The following PEX5L variants were observed in gnomAD, a reference collection of about 807,000 sequenced individuals.
PEX5L encodes the protein peroxisomal biogenesis factor 5 like, also known as PEX5-related protein.
A neutral mutation model predicts 84.0 loss-of-function variants in PEX5L; 30 were observed. That is an observed-to-expected ratio of 0.36 (90% CI 0.27 to 0.48). The LOEUF (loss-of-function observed/expected upper bound fraction) is 0.48. PEX5L is among the 20% of genes least tolerant of loss of function. The probability of loss-of-function intolerance (pLI) is 0.99; values close to 1 mark genes in which losing one functional copy is unlikely to be tolerated. For missense variants in PEX5L, 533 were observed against 754.6 expected, an observed-to-expected ratio of 0.71 and a Z score of 3.44; for synonymous variants, 270 against 283.1, an observed-to-expected ratio of 0.95 and a Z score of 0.46.
At position 179,815,974 on chromosome 3, in the gene PEX5L, T is replaced by C; in HGVS notation, c.970A>G (p.Lys324Glu). ...TCTTCAAATGCTCCAGGCCAGTCCTTGAAGGGGTTTTCAGTGTGAAAGTAA... is the reference window on the plus strand; with the variant it reads ...TCTTCAAATGCTCCAGGCCAGTCCTCGAAGGGGTTTTCAGTGTGAAAGTAA... ...GYYFHTENPF[K>E]DWPGAFEEGL... Residue 324 changes from lysine to glutamate, a missense_variant, in exon 10 of 15, where the codon AAG becomes GAG. Lys to Glu is a moderately conservative substitution (Grantham distance 56). Transcript: ENST00000467460. The C allele has an allele frequency of 1.9e-6, 3 of 1,614,180 alleles. No individual in the cohort carries two copies. Among genetic ancestry groups the C allele is most frequent in the Non-Finnish European group, 8.5e-7 (1 of 1,180,008 alleles).
chr3:179,840,183 G>GTGTGTGTGT (rs542803963), intron 8 of PEX5L, among the ~76,000 whole-genome samples: 2 of 78,670 alleles, frequency 2.5e-5, no homozygotes, highest in African/African-American at 1.0e-4. Context: ...GTGTGTGTGT[G>GTGTGTGTGT]TTTTTTTTTT....
intron 8 of PEX5L, chr3:179,820,524 T>A (rs1728085320): frequency 6.6e-6 from 1 of 152,526 alleles, no homozygotes; most frequent in African/African-American, 2.4e-5. Context: ...CCCACACTTG[T>A]AAGCTTATGG....
Position 179,931,775 on chromosome 3 carries a change from C to T in PEX5L, c.94-33529G>A, listed in dbSNP as rs1247926580. ...GGTTCCTGAGATGATCAGTTAAGTT[C>T]ACATGTATCTAAACTCAATTTTCTT... is the stretch of plus-strand genomic sequence containing the variant. On this transcript the variant is annotated intron_variant, in intron 2 of 14. Coordinates refer to ENST00000467460, the MANE Select transcript of PEX5L (RefSeq NM_016559.3). 5.3e-5 allele frequency among the ~76,000 whole-genome samples: 8 copies of T among 152,066 alleles called. No individual in the cohort carries two copies. In the East Asian group the frequency reaches 1.3e-3, roughly 26 times the overall value.
chr3:179,840,359 T>C (rs1190449238), intron 8 of PEX5L, among the ~76,000 whole-genome samples: 1 of 151,858 alleles, frequency 6.6e-6, no homozygotes, highest in Non-Finnish European at 1.5e-5. Flanking sequence ...TAGCTAATTT[T>C]TGTGTTTTCA....
chr3:179,831,682 G>C (rs1396552398), intron 8 of PEX5L, among the ~76,000 whole-genome samples: 3 of 152,166 alleles, frequency 2.0e-5, no homozygotes, highest in Admixed American at 1.3e-4. Flanking sequence ...CCTAGACTTA[G>C]GAGTTCAGGA....
At position 179,828,445 on chromosome 3, in the gene PEX5L, C is replaced by T. The variant is rs138702660; in HGVS notation, c.823-8469G>A. Among the ~76,000 whole-genome samples the T allele has an allele frequency of 5.2e-3, 789 of 152,230 alleles. 8 individuals are homozygous for T. Among genetic ancestry groups the T allele is most frequent in the African/African-American group, 0.018 (744 of 41,526 alleles). On this transcript the variant is annotated intron_variant, in intron 8 of 14. Coordinates refer to ENST00000467460, the MANE Select transcript of PEX5L (RefSeq NM_016559.3). ...CCACATTTCTAGAAGCAGCAACTTT[C>T]AGATGCTGCATGTAGTCTCTGCCAC...
At chr3:179,867,112 C>G (rs1176803808) in intron 7 of PEX5L, among the ~76,000 whole-genome samples, 1 of 151,450 alleles carries the variant, frequency 6.6e-6, no homozygotes, top group Non-Finnish European at 1.5e-5. Context: ...ATTCCTAGAG[C>G]TTTGTACAAG....
intron 2 of PEX5L, among the ~76,000 whole-genome samples, chr3:179,959,644 A>T (rs1393767863): frequency 6.6e-6 from 1 of 152,142 alleles, no homozygotes; most frequent in Non-Finnish European, 1.5e-5. Context: ...AAGTTATTTC[A>T]TAATAAAGAA....
intron 1 of PEX5L, among the ~76,000 whole-genome samples, chr3:179,980,411 T>C (rs1255540864): frequency 6.6e-6 from 1 of 152,124 alleles, no homozygotes; most frequent in Non-Finnish European, 1.5e-5. Flanking sequence ...CCTGGAGGTA[T>C]AACTCATTAC....
At chr3:179,892,944 T>C (rs1758043965) in intron 3 of PEX5L, among the ~76,000 whole-genome samples, 2 of 152,140 alleles carry the variant, frequency 1.3e-5, no homozygotes, top group African/African-American at 4.8e-5. Flanking sequence ...TGATTTTAAA[T>C]CACAGATTCA....
rs1717808824 is a variant in PEX5L, at chr3:179,798,258, G to A, written c.*3570C>T. ...GTTTCCTTACTTTTCTGTTCTAGTA[G>A]GAATCCAGATTGACTGAGAAAGCAC... On this transcript the variant is annotated 3_prime_UTR_variant, in exon 15 of 15. Transcript: ENST00000467460. 6.6e-6 allele frequency: 1 copy of A among 152,096 alleles called. No individual in the cohort carries two copies. Among genetic ancestry groups the A allele is most frequent in the Non-Finnish European group, 1.5e-5 (1 of 68,016 alleles). The allele number at this position is 152,096 out of a possible 1,614,324, so 9.4% of individuals were successfully genotyped here. A position where few individuals can be genotyped will look rare whatever the true frequency, so the allele number is the denominator to read the frequency against.
intron 1 of PEX5L, among the ~76,000 whole-genome samples, chr3:180,029,337 A>G (rs1355318267): frequency 6.6e-6 from 1 of 152,140 alleles, no homozygotes; most frequent in Non-Finnish European, 1.5e-5. Context: ...TTTGTTCTCC[A>G]AACAAACGAA....
At chr3:180,027,018 T>C (rs1791020257) in intron 1 of PEX5L, among the ~76,000 whole-genome samples, 1 of 152,110 alleles carries the variant, frequency 6.6e-6, no homozygotes, top group Non-Finnish European at 1.5e-5. Context: ...GCCCTCCATT[T>C]TGAAATAGGA....
chr3:179,976,090 A>T (rs1785751007), intron 1 of PEX5L, among the ~76,000 whole-genome samples: 1 of 152,214 alleles, frequency 6.6e-6, no homozygotes, highest in African/African-American at 2.4e-5. Flanking sequence ...AGAGATGAGG[A>T]CTACGGCCAG....
At chr3:179,984,746 T>C (rs1441631445) in intron 1 of PEX5L, among the ~76,000 whole-genome samples, 1 of 152,222 alleles carries the variant, frequency 6.6e-6, no homozygotes, top group Non-Finnish European at 1.5e-5. Context: ...ATTATCTCAT[T>C]AGCCTTATGA....
At chr3:179,861,862 C>T (rs1408113397) in intron 7 of PEX5L, among the ~76,000 whole-genome samples, 1 of 152,220 alleles carries the variant, frequency 6.6e-6, no homozygotes, top group Non-Finnish European at 1.5e-5. Flanking sequence ...GTATGCCCAA[C>T]TTTGAAAGAG....
chr3:179,873,055 C>T (rs138167154), intron 7 of PEX5L, among the ~76,000 whole-genome samples: 67 of 152,148 alleles, frequency 4.4e-4, no homozygotes, highest in Admixed American at 1.8e-3. Flanking sequence ...TTGTAGGGGG[C>T]GCTGCTGGTG....
rs1273489520 is a variant in PEX5L at position 179,795,585 on chromosome 3, T to C, written c.*6243A>G. ...TAAAATCCCCTCCCCCCCATTGCCA[T>C]TAATTTACTATAGGTCACTTAATTT... is the stretch of plus-strand genomic sequence containing the variant. On this transcript the variant is annotated 3_prime_UTR_variant, in exon 15 of 15. Coordinates refer to ENST00000467460, the MANE Select transcript of PEX5L (RefSeq NM_016559.3). 1.3e-5 allele frequency: 2 copies of C among 152,116 alleles called. No individual in the cohort carries two copies. Among genetic ancestry groups the C allele is most frequent in the African/African-American group, 4.8e-5 (2 of 41,414 alleles). 9.4% of individuals were successfully genotyped at this position (152,116 alleles called of 1,614,324 possible).
At chr3:179,904,432 A>C (rs1439127928) in intron 2 of PEX5L, among the ~76,000 whole-genome samples, 1 of 152,152 alleles carries the variant, frequency 6.6e-6, no homozygotes, top group Non-Finnish European at 1.5e-5. Flanking sequence ...CATGGATACC[A>C]ATCTCTACGG....
Sources: allele counts gnomAD v4.1 joint callset (sites outside exome capture counted in the v4.1 genomes callset), GRCh38; gene constraint gnomAD v4.1.1; transcripts MANE v1.5; gene names NCBI Gene and HGNC (gene_info 2026-07-23, HGNC 2026-07-21).